Variants in AOAH observed in about 807,000 individuals in gnomAD.
AOAH encodes the protein acyloxyacyl hydrolase.
Under a neutral mutation model 92.2 loss-of-function variants are expected in AOAH, and 64 were observed. That is an observed-to-expected ratio of 0.69 (90% CI 0.57 to 0.86). AOAH has a LOEUF of 0.86. Among genes scored for constraint, AOAH ranks in the 40% least tolerant of loss-of-function variants. AOAH has a pLI of 0.00. For missense variants in AOAH, 656 were observed against 694.6 expected, an observed-to-expected ratio of 0.94 and a Z score of 0.62; for synonymous variants, 263 against 254.5, an observed-to-expected ratio of 1.03 and a Z score of -0.32.
At chr7:36,618,184 G>T in intron 10 of AOAH, 113 bp downstream of exon 10, 2 of 863,196 alleles carry the variant, frequency 2.3e-6, no homozygotes, top group Non-Finnish European at 1.9e-6. Context: ...TCAGCATAGA[G>T]TAAATCCTAG....
chr7:36,569,154 A>G (rs1193770060), intron 13 of AOAH, among the ~76,000 whole-genome samples: 3 of 152,242 alleles, frequency 2.0e-5, no homozygotes, highest in African/African-American at 7.2e-5. Context: ...GACTGGTCCC[A>G]GGAAAACATG....
At chr7:36,689,708 GA>G (rs1388640640) in intron 1 of AOAH, among the ~76,000 whole-genome samples, 4 of 152,236 alleles carry the variant, frequency 2.6e-5, no homozygotes, top group Admixed American at 2.6e-4. Context: ...TCCCAAGAGA[GA>G]AAAAAGACTC....
intron 4 of AOAH, among the ~76,000 whole-genome samples, chr7:36,652,935 A>C (rs140070165): frequency 6.6e-6 from 1 of 152,212 alleles, no homozygotes; most frequent in South Asian, 2.1e-4. Flanking sequence ...GTGTAATCCA[A>C]ATAAAGTCTG....
intron 2 of AOAH, among the ~76,000 whole-genome samples, chr7:36,674,772 C>T (rs923459896): frequency 6.6e-6 from 1 of 152,206 alleles, no homozygotes; most frequent in African/African-American, 2.4e-5. Context: ...GAGAATCTAT[C>T]TTGTCATGAT....
At chr7:36,581,840 C>T (rs375802099) in intron 12 of AOAH, among the ~76,000 whole-genome samples, 62 of 152,216 alleles carry the variant, frequency 4.1e-4, no homozygotes, top group African/African-American at 1.4e-3. Context: ...AAGCCTTGTA[C>T]CAAGCACTAG....
At chr7:36,609,343 G>A (rs1426815775) in intron 11 of AOAH, among the ~76,000 whole-genome samples, 1 of 152,194 alleles carries the variant, frequency 6.6e-6, no homozygotes, top group East Asian at 1.9e-4. Flanking sequence ...TGAAATCAGA[G>A]TAAATGTTCT....
chr7:36,530,754 T>C (rs572925301), intron 18 of AOAH: 5 of 430,390 alleles, frequency 1.2e-5, no homozygotes, highest in Non-Finnish European at 2.1e-5. Flanking sequence ...ATACTAGTTT[T>C]AACACCCTTG....
intron 12 of AOAH, among the ~76,000 whole-genome samples, chr7:36,591,182 G>T (rs1160923554): frequency 6.6e-6 from 1 of 152,178 alleles, no homozygotes; most frequent in African/African-American, 2.4e-5. Context: ...AGAAACAGCT[G>T]GCAAAAAGAG....
At chr7:36,569,893 G>A (rs1050612893) in intron 13 of AOAH, among the ~76,000 whole-genome samples, 2 of 152,054 alleles carry the variant, frequency 1.3e-5, no homozygotes, top group Non-Finnish European at 2.9e-5. Context: ...GATTATAGGC[G>A]TGAACCACCG....
intron 13 of AOAH, among the ~76,000 whole-genome samples, chr7:36,563,566 G>A (rs958796855): frequency 1.7e-4 from 26 of 152,158 alleles, no homozygotes; most frequent in Non-Finnish European, 1.0e-4. Flanking sequence ...TTCAGTGGGA[G>A]AGACAGGGTG....
intron 13 of AOAH, among the ~76,000 whole-genome samples, chr7:36,565,159 T>G (rs1787597867): frequency 6.6e-6 from 1 of 152,232 alleles, no homozygotes; most frequent in South Asian, 2.1e-4. Flanking sequence ...ATTTGCCTTT[T>G]TATATGAAGC....
chr7:36,674,066 C>A, intron 2 of AOAH, 57 bp from the exon 3 acceptor site: 4 of 941,324 alleles, frequency 4.2e-6, no homozygotes, highest in Admixed American at 2.0e-5. Context: ...ATTTAACACA[C>A]CTTAATAATG....
At chr7:36,521,951 T>C (rs922811733) in intron 20 of AOAH, 88 bp downstream of exon 20, 11 of 1,141,336 alleles carry the variant, frequency 9.6e-6, no homozygotes, top group African/African-American at 1.5e-5. Flanking sequence ...CAAAACAGGA[T>C]AAAAATAAAC....
intron 15 of AOAH, 93 bp from the exon 16 acceptor site, chr7:36,540,584 ACG>A: frequency 9.2e-7 from 1 of 1,092,630 alleles, no homozygotes; most frequent in Non-Finnish European, 1.3e-6. Flanking sequence ...ACACACACAT[ACG>A]CACACACACA....
chr7:36,535,104 GTGTC>G (rs1452830759), intron 16 of AOAH, among the ~76,000 whole-genome samples: 15 of 149,162 alleles, frequency 1.0e-4, no homozygotes, highest in South Asian at 2.1e-4. Context: ...GTGTTTGTGT[GTGTC>G]TGTGTCTGTG....
chr7:36,608,903 GGCGGGGA>G (rs1196608556), intron 11 of AOAH, among the ~76,000 whole-genome samples: 22 of 129,758 alleles, frequency 1.7e-4, no homozygotes, highest in African/African-American at 3.2e-4. Flanking sequence ...GAGCTGTTGC[GGCGGGGA>G]GGGGGGGGGG....
chr7:36,724,005 A>C lies in AOAH; in HGVS notation c.127+17T>G, dbSNP rs559177271. ...GTTATGTCTACATAGAAAATACAAA[A>C]ATATTTATTTGCATACCTACACAGG... On this transcript the variant is annotated intron_variant, in intron 1 of 20. Coordinates refer to ENST00000617537, the MANE Select transcript of AOAH (RefSeq NM_001637.4). 1 of 1,609,928 alleles carries C rather than the reference A, an allele frequency of 6.2e-7. No individual in the cohort carries two copies. Among genetic ancestry groups the C allele is most frequent in the Admixed American group, 1.7e-5 (1 of 59,358 alleles).
intron 3 of AOAH, among the ~76,000 whole-genome samples, chr7:36,670,780 G>T (rs763221453): frequency 3.9e-5 from 6 of 152,110 alleles, no homozygotes; most frequent in Non-Finnish European, 7.4e-5. Context: ...CGGCCCGCTG[G>T]TCCCATTCTT....
chr7:36,558,757 G>A (rs916367266), intron 13 of AOAH, among the ~76,000 whole-genome samples: 3 of 152,232 alleles, frequency 2.0e-5, no homozygotes, highest in Non-Finnish European at 4.4e-5. Flanking sequence ...GCGAGACTCC[G>A]TGGGCATAGG....
Sources: allele counts gnomAD v4.1 joint callset (sites outside exome capture counted in the v4.1 genomes callset), GRCh38; gene constraint gnomAD v4.1.1; transcripts MANE v1.5; gene names NCBI Gene and HGNC (gene_info 2026-07-23, HGNC 2026-07-21).